C13orf42: variants seen among roughly 807,000 people sequenced by gnomAD.
C13orf42 encodes the protein uncharacterized protein C13orf42.
At chr13:51,093,767 A>AAAT (rs1953204039) in intron 1 of C13orf42, among the ~76,000 whole-genome samples, 1 of 152,172 alleles carries the variant, frequency 6.6e-6, no homozygotes, top group Non-Finnish European at 1.5e-5. Context: ...TTTTACTACT[A>AAAT]GTTGCAAAAT....
chr13:51,153,061 G>A (rs779583865), intron 1 of C13orf42, among the ~76,000 whole-genome samples: 10 of 152,210 alleles, frequency 6.6e-5, no homozygotes, highest in Non-Finnish European at 1.3e-4. Context: ...TTGAGGTTTA[G>A]TGCTCTGCAG....
intron 1 of C13orf42, among the ~76,000 whole-genome samples, chr13:51,124,561 G>C (rs1953561430): frequency 6.6e-6 from 1 of 152,156 alleles, no homozygotes; most frequent in Non-Finnish European, 1.5e-5. Flanking sequence ...GCCTTTTACA[G>C]GTTGAGCTCA....
At chr13:51,154,757 A>T (rs998265647) in intron 1 of C13orf42, among the ~76,000 whole-genome samples, 3 of 152,240 alleles carry the variant, frequency 2.0e-5, no homozygotes, top group African/African-American at 7.2e-5. Flanking sequence ...CGTTGAAGAC[A>T]CTGAGGATAA....
At chr13:51,120,552 G>T (rs1471485926) in intron 1 of C13orf42, among the ~76,000 whole-genome samples, 7 of 152,164 alleles carry the variant, frequency 4.6e-5, no homozygotes, top group Admixed American at 1.3e-4. Flanking sequence ...ATCTGTCAAA[G>T]GAGAAATGCC....
At chr13:51,168,955 C>A (rs1031393770) in intron 1 of C13orf42, among the ~76,000 whole-genome samples, 3 of 152,168 alleles carry the variant, frequency 2.0e-5, no homozygotes, top group Non-Finnish European at 4.4e-5. Flanking sequence ...GAGGCCTCAC[C>A]AGCCATGTTT....
intron 1 of C13orf42, among the ~76,000 whole-genome samples, chr13:51,128,856 A>T (rs1953594424): frequency 6.6e-6 from 1 of 152,188 alleles, no homozygotes; most frequent in African/African-American, 2.4e-5. Flanking sequence ...ATAACTGAAG[A>T]GACTGAAGGC....
At chr13:51,111,901 C>G (rs1953439057), upstream of C13orf42, among the ~76,000 whole-genome samples, 1 of 152,002 alleles carries the variant, frequency 6.6e-6, no homozygotes, top group African/African-American at 2.4e-5. Flanking sequence ...GACCTCACAG[C>G]CGTTACCGGA....
chr13:51,116,809 C>G (rs546275756), intron 1 of C13orf42, among the ~76,000 whole-genome samples: 55 of 152,344 alleles, frequency 3.6e-4, no homozygotes, highest in Middle Eastern at 6.8e-3. Flanking sequence ...TATGTGGCTG[C>G]ATTCAGTGGT....
chr13:51,097,047 C>T (rs547727286), intron 1 of C13orf42, among the ~76,000 whole-genome samples: 174 of 152,314 alleles, frequency 1.1e-3, no homozygotes, highest in African/African-American at 3.5e-3. Context: ...CCTGTGAGTA[C>T]TGCTTTCTTC....
At chr13:51,141,095 G>GGTGTGTGT (rs3043870) in intron 1 of C13orf42, among the ~76,000 whole-genome samples, 8,250 of 128,420 alleles carry the variant, frequency 0.064, 360 homozygotes, top group East Asian at 0.1. Flanking sequence ...ATCGAAGGGA[G>GGTGTGTGT]GTGTGTGTGT....
intron 1 of C13orf42, among the ~76,000 whole-genome samples, chr13:51,120,189 G>A (rs4497566): frequency 0.092 from 13,976 of 152,226 alleles, 968 homozygotes; most frequent in South Asian, 0.26. Context: ...CACTGACTAC[G>A]TATGCTGGGC....
chr13:51,118,607 T>C (rs2138011572), intron 1 of C13orf42, among the ~76,000 whole-genome samples: 1 of 152,190 alleles, frequency 6.6e-6, no homozygotes, highest in East Asian at 1.9e-4. Context: ...ACAGGCAGCC[T>C]CGGCTATCTG....
upstream of C13orf42, among the ~76,000 whole-genome samples, chr13:51,111,885 G>A (rs1449760608): frequency 2.5e-5 from 1 of 39,838 alleles, no homozygotes; most frequent in Non-Finnish European, 3.9e-5. Context: ...TCGCCCTGCG[G>A]TAATGGACCT....
intron 1 of C13orf42, among the ~76,000 whole-genome samples, chr13:51,124,086 T>C (rs1953557289): frequency 6.6e-6 from 1 of 152,176 alleles, no homozygotes; most frequent in Non-Finnish European, 1.5e-5. Flanking sequence ...TTGAGATGTC[T>C]TTTCCAGTTT....
intron 1 of C13orf42, among the ~76,000 whole-genome samples, chr13:51,171,247 G>A (rs1318083132): frequency 6.6e-6 from 1 of 152,068 alleles, no homozygotes; most frequent in Non-Finnish European, 1.5e-5. Flanking sequence ...AATGCCGTTT[G>A]ACCCCAATAC....
intron 1 of C13orf42, among the ~76,000 whole-genome samples, chr13:51,150,819 C>G (rs527441416): frequency 6.6e-6 from 1 of 152,298 alleles, no homozygotes; most frequent in African/African-American, 2.4e-5. Context: ...AACTGAATTC[C>G]TTGGTTCTAT....
rs199497806 is a variant in C13orf42 at position 51,096,969 on chromosome 13, G to A, written c.415-8894C>T. 2.6e-5 allele frequency among the ~76,000 whole-genome samples: 4 copies of A among 151,560 alleles called. No individual in the cohort carries two copies. The East Asian group carries it at 7.7e-4, about 29-fold the overall frequency. On this transcript the variant is annotated intron_variant, in intron 1 of 3. Coordinates refer to ENST00000563710, the MANE Select transcript of C13orf42 (RefSeq NM_001351589.3). Reference sequence around the variant, plus strand: ...TTGTTTATCTTTCTATCATTTCTTCGAAAATACAAGCAAGCATATTTGTAT... The same window carrying A: ...TTGTTTATCTTTCTATCATTTCTTCAAAAATACAAGCAAGCATATTTGTAT...
chr13:51,119,297 T>C lies in C13orf42; in HGVS notation n.137-6075A>G, dbSNP rs963678018. ...TTCAGTCAATAACACCTGGGTGCAC[T>C]GGGAACAGAGTGTTTGTTTGGAATT... On this transcript the variant is annotated intron_variant and non_coding_transcript_variant, in intron 1 of 4. Coordinates refer to the C13orf42 transcript ENST00000433280. Among the ~76,000 whole-genome samples, 3 of 152,104 alleles carry C rather than the reference T, an allele frequency of 2.0e-5. No homozygotes were observed. The East Asian group carries it at 5.8e-4, about 29-fold the overall frequency.
chr13:51,117,763 A>G (rs576547387), intron 1 of C13orf42, among the ~76,000 whole-genome samples: 99 of 152,166 alleles, frequency 6.5e-4, no homozygotes, highest in African/African-American at 2.3e-3. Context: ...TTTGGCTTCC[A>G]TAACTGAAAT....
Sources: allele counts gnomAD v4.1 joint callset (sites outside exome capture counted in the v4.1 genomes callset), GRCh38; gene constraint gnomAD v4.1.1; transcripts MANE v1.5; gene names NCBI Gene and HGNC (gene_info 2026-07-23, HGNC 2026-07-21).